The following EBF1 variants were observed in gnomAD, a reference collection of about 807,000 sequenced individuals.
The protein encoded by EBF1 is EBF transcription factor 1.
Under a neutral mutation model 68.4 loss-of-function variants are expected in EBF1, and 10 were observed. The ratio of observed to expected loss-of-function variants is 0.15; its 90% confidence interval spans 0.09 to 0.25. EBF1 has a LOEUF of 0.25. Ranked by LOEUF, EBF1 falls within the 10% of genes least tolerant of loss-of-function variation. The probability of loss-of-function intolerance (pLI) is 1.00; values close to 1 mark genes in which losing one functional copy is unlikely to be tolerated. For synonymous variants in EBF1, 298 were observed against 299.8 expected, an observed-to-expected ratio of 0.99 and a Z score of 0.06; for missense variants, 509 against 794.4, an observed-to-expected ratio of 0.64 and a Z score of 4.32.
intron 6 of EBF1, among the ~76,000 whole-genome samples, chr5:158,898,332 C>T (rs965926287): frequency 3.9e-5 from 6 of 152,136 alleles, no homozygotes; most frequent in African/African-American, 9.7e-5. Context: ...GAATTTCTGA[C>T]GCTGACAGAA....
intron 6 of EBF1, among the ~76,000 whole-genome samples, chr5:158,918,922 G>A (rs888450236): frequency 6.6e-6 from 1 of 152,194 alleles, no homozygotes; most frequent in African/African-American, 2.4e-5. Flanking sequence ...CTTATATATA[G>A]AAATTAGCTG....
intron 10 of EBF1, among the ~76,000 whole-genome samples, chr5:158,762,424 G>A (rs77953773): frequency 6.6e-6 from 1 of 152,284 alleles, no homozygotes; most frequent in East Asian, 1.9e-4. Flanking sequence ...CAATAATTGA[G>A]TGCCTTTTTA....
chr5:158,925,663 G>C (rs1044872788), intron 6 of EBF1, among the ~76,000 whole-genome samples: 1 of 152,130 alleles, frequency 6.6e-6, no homozygotes, highest in Admixed American at 6.5e-5. Flanking sequence ...ATAGAAACCA[G>C]GGCCCCAACA....
At position 158,711,078 on chromosome 5, in the gene EBF1, C is replaced by T. The variant is rs190239035; in HGVS notation, c.1549+1076G>A. On this transcript the variant is annotated intron_variant, in intron 14 of 15. Transcript: ENST00000313708. ...ACTTCTTTAAGGCAGAGACAAGGCACCAAAGAACGTTTTTTTATGTGTATA... is the reference window on the plus strand; with the variant it reads ...ACTTCTTTAAGGCAGAGACAAGGCATCAAAGAACGTTTTTTTATGTGTATA... 3.9e-5 allele frequency among the ~76,000 whole-genome samples: 6 copies of T among 152,174 alleles called. No individual in the cohort carries two copies. In the East Asian group the frequency reaches 1.2e-3, roughly 29 times the overall value.
intron 6 of EBF1, among the ~76,000 whole-genome samples, chr5:158,976,892 G>T (rs1450734943): frequency 6.6e-6 from 1 of 152,186 alleles, no homozygotes; most frequent in Non-Finnish European, 1.5e-5. Flanking sequence ...ATACATCTTG[G>T]TTCAGGCAGT....
At chr5:158,710,834 T>A (rs1236470675) in intron 14 of EBF1, among the ~76,000 whole-genome samples, 1 of 152,244 alleles carries the variant, frequency 6.6e-6, no homozygotes, top group Non-Finnish European at 1.5e-5. Flanking sequence ...TATTCTTTAA[T>A]TTAATGGTAC....
intron 6 of EBF1, among the ~76,000 whole-genome samples, chr5:158,878,668 G>A (rs1020304320): frequency 4.3e-5 from 6 of 138,672 alleles, no homozygotes; most frequent in East Asian, 2.1e-4. Flanking sequence ...TCCTGAGACA[G>A]AGTCTTGCTC....
chr5:159,056,523 C>G (rs1774756260), intron 6 of EBF1, among the ~76,000 whole-genome samples: 1 of 152,170 alleles, frequency 6.6e-6, no homozygotes, highest in Admixed American at 6.5e-5. Flanking sequence ...TTTCTCTCAG[C>G]ACCATACCCA....
intron 6 of EBF1, among the ~76,000 whole-genome samples, chr5:158,953,543 G>A (rs1490346882): frequency 6.6e-6 from 1 of 152,178 alleles, no homozygotes; most frequent in Non-Finnish European, 1.5e-5. Context: ...CTTGAACTCA[G>A]AAAGTTGACA....
chr5:159,072,303 C>T (rs1041821402), intron 6 of EBF1, among the ~76,000 whole-genome samples: 3 of 152,086 alleles, frequency 2.0e-5, no homozygotes, highest in African/African-American at 7.2e-5. Context: ...AATCAACAAT[C>T]GATCTTTTGG....
chr5:159,044,989 C>A (rs1772044686), intron 6 of EBF1, among the ~76,000 whole-genome samples: 1 of 152,062 alleles, frequency 6.6e-6, no homozygotes, highest in Admixed American at 6.5e-5. Context: ...ACCTTAAGAC[C>A]TTACCAAATA....
intron 9 of EBF1, among the ~76,000 whole-genome samples, chr5:158,782,317 A>G (rs1042102661): frequency 1.3e-5 from 2 of 152,128 alleles, no homozygotes; most frequent in African/African-American, 4.8e-5. Flanking sequence ...CTCATTAGAT[A>G]TTTCCTGAGA....
chr5:158,869,578 A>AACACACACACACAC (rs3035120), intron 6 of EBF1, among the ~76,000 whole-genome samples: 1 of 145,172 alleles, frequency 6.9e-6, no homozygotes, highest in African/African-American at 2.6e-5. Flanking sequence ...GATCCTAATA[A>AACACACACACACAC]ACACACACAC....
chr5:158,796,649 T>C (rs1779660177), intron 8 of EBF1, among the ~76,000 whole-genome samples, 174 bp from the exon 9 acceptor site: 1 of 152,200 alleles, frequency 6.6e-6, no homozygotes, highest in South Asian at 2.1e-4. Flanking sequence ...AGGGTGCAAC[T>C]TCAGTTTTTA....
chr5:158,888,312 A>C (rs1800451738), intron 6 of EBF1, among the ~76,000 whole-genome samples: 1 of 151,994 alleles, frequency 6.6e-6, no homozygotes, highest in African/African-American at 2.4e-5. Flanking sequence ...TTGTGGAATC[A>C]ATGTCTGACT....
intron 6 of EBF1, among the ~76,000 whole-genome samples, chr5:158,912,397 C>T (rs1470601933): frequency 1.3e-5 from 2 of 152,204 alleles, no homozygotes; most frequent in East Asian, 3.8e-4. Context: ...CTAATTACTT[C>T]TTGTGCAAGC....
chr5:159,053,263 A>G (rs1206705364), intron 6 of EBF1, among the ~76,000 whole-genome samples: 2 of 152,236 alleles, frequency 1.3e-5, no homozygotes, highest in African/African-American at 4.8e-5. Flanking sequence ...GGGAGAAATA[A>G]GAATACTCAG....
chr5:159,007,274 A>G (rs945883554), intron 6 of EBF1, among the ~76,000 whole-genome samples: 1 of 152,216 alleles, frequency 6.6e-6, no homozygotes, highest in African/African-American at 2.4e-5. Context: ...AGACTTCTTT[A>G]TGGGGTCCCA....
At chr5:158,925,735 T>A (rs1161065979) in intron 6 of EBF1, among the ~76,000 whole-genome samples, 1 of 152,166 alleles carries the variant, frequency 6.6e-6, no homozygotes, top group Non-Finnish European at 1.5e-5. Flanking sequence ...AACAAACAAA[T>A]AAGCAAGCTT....
Sources: allele counts gnomAD v4.1 joint callset (sites outside exome capture counted in the v4.1 genomes callset), GRCh38; gene constraint gnomAD v4.1.1; transcripts MANE v1.5; gene names NCBI Gene and HGNC (gene_info 2026-07-23, HGNC 2026-07-21).